Variants in PRPF3 observed in about 807,000 individuals in gnomAD.
PRPF3 encodes U4/U6 small nuclear ribonucleoprotein Prp3.
In PRPF3, 3 loss-of-function variants were observed where a neutral mutation model predicts 89.2. The ratio of observed to expected loss-of-function variants is 0.03; its 90% CI spans 0.02 to 0.09. The LOEUF is 0.09. PRPF3 is among the 10% of genes least tolerant of loss of function. The pLI is 1.00. For synonymous variants in PRPF3, 270 were observed against 289.1 expected (o/e 0.93, Z 0.67); for missense variants, 463 against 828.8 (o/e 0.56, Z 5.42).
At chr1:150,351,595 G>A (rs1658930736) in intron 15 of PRPF3, among the ~76,000 whole-genome samples, 1 of 150,770 alleles carries the variant, frequency 6.6e-6, no homozygotes, top group African/African-American at 2.4e-5. Flanking sequence ...TGAACTCCTA[G>A]GGACAAGCAA....
At chr1:150,336,305 G>A (rs73015073) in intron 7 of PRPF3, among the ~76,000 whole-genome samples, 107 of 152,176 alleles carry the variant, frequency 7.0e-4, no homozygotes, top group Middle Eastern at 3.4e-3. Flanking sequence ...TGCCACCGAT[G>A]ATCTGACAGG....
rs1553865981 is a variant in PRPF3 at position 150,332,767 on chromosome 1, G to C, written c.507G>C (p.Gln169His). Reference sequence around the variant, plus strand: ...GCTTCATTAGCCCCCCTACACCTCAGGTATTGTGTCTAGATTACTCTGAAC... The same window carrying C: ...GCTTCATTAGCCCCCCTACACCTCACGTATTGTGTCTAGATTACTCTGAAC... ...QLSFISPPTPQPKTPSSSQPE... is the reference protein window; with the variant it reads ...QLSFISPPTPHPKTPSSSQPE... Residue 169 changes from glutamine (Q) to histidine (H), a missense_variant and splice_region_variant, in exon 5 of 16, where the codon CAG (glutamine) becomes CAC (histidine). Around this residue, in one of 8 missense-constraint regions of PRPF3, gnomAD observed 38 missense variants for 48.3 expected, o/e 0.79. Transcript: ENST00000324862. 1 of 1,613,696 alleles carries C rather than the reference G, an allele frequency of 6.2e-7. No individual in the cohort carries two copies. The highest frequency in any genetic ancestry group is 8.5e-7 in the Non-Finnish European group (1 of 1,179,836).
At chr1:150,339,788 A>G (rs138400736) in intron 8 of PRPF3, among the ~76,000 whole-genome samples, 1 of 141,664 alleles carries the variant, frequency 7.1e-6, no homozygotes, top group East Asian at 2.1e-4. Context: ...CTGTTGCACA[A>G]TCTCGGCTCG....
At chr1:150,327,274 A>T (rs1553864059) in intron 3 of PRPF3, among the ~76,000 whole-genome samples, 1 of 151,698 alleles carries the variant, frequency 6.6e-6, no homozygotes, top group Non-Finnish European at 1.5e-5. Flanking sequence ...CATCATGTTG[A>T]TCAGGTTGGT....
At chr1:150,341,400 ATTTTTT>A (rs1169772517) in intron 9 of PRPF3, among the ~76,000 whole-genome samples, 8 of 101,906 alleles carry the variant, frequency 7.9e-5, no homozygotes, top group Middle Eastern at 5.0e-3. Flanking sequence ...AGTTGCTTCT[ATTTTTT>A]TTTTTTTTTT....
Position 150,343,295 on chromosome 1 carries a change from T to C in PRPF3, c.1283-14T>C. On this transcript the variant is annotated splice_polypyrimidine_tract_variant and intron_variant, in intron 9 of 15. Coordinates refer to ENST00000324862, the MANE Select transcript of PRPF3 (RefSeq NM_004698.4). ...TTCTTACTGCTTTGGTATACTAATA[T>C]CTCTGCCTGACAGTTGACAATGACA... 6.2e-7 allele frequency: 1 copy of C among 1,601,944 alleles called. No homozygotes were observed. The highest frequency in any genetic ancestry group is 8.5e-7 in the Non-Finnish European group (1 of 1,172,640).
intron 8 of PRPF3, 84 bp downstream of exon 8, chr1:150,338,410 T>A: frequency 7.2e-7 from 1 of 1,391,178 alleles, no homozygotes; most frequent in Non-Finnish European, 1.0e-6. Context: ...TTAGTAAAGC[T>A]ATGGTTTTAG....
Position 150,346,014 on chromosome 1 carries a change from C to T in PRPF3, c.1641-4C>T, listed in dbSNP as rs782163356. The T allele has an allele frequency of 3.1e-6, 5 of 1,611,986 alleles. No individual in the cohort carries two copies. Among genetic ancestry groups the T allele is most frequent in the Admixed American group, 1.7e-5 (1 of 60,004 alleles). ...AAGACATAACTAAACTTTCCCTTCT[C>T]CAGAGTTCGAAATTTGAGCAACCCA... is the stretch of plus-strand genomic sequence containing the variant. On this transcript the variant is annotated splice_region_variant and splice_polypyrimidine_tract_variant and intron_variant, in intron 12 of 15. Coordinates refer to ENST00000324862, the MANE Select transcript of PRPF3 (RefSeq NM_004698.4).
At position 150,346,155 on chromosome 1, in the gene PRPF3, A is replaced by G; in HGVS notation, c.1759+19A>G. The G allele has an allele frequency of 6.3e-7, 1 of 1,595,228 alleles. No individual in the cohort carries two copies. The highest frequency in any genetic ancestry group is 8.6e-7 in the Non-Finnish European group (1 of 1,162,828). On this transcript the variant is annotated intron_variant, in intron 13 of 15. Coordinates refer to ENST00000324862, the MANE Select transcript of PRPF3 (RefSeq NM_004698.4). ...GAAGGGGGTGAGTCTGAAAAACTTG[A>G]GGGAGACTGTCCCCAGACAACCCTA...
chr1:150,353,088 C>A lies in PRPF3; in HGVS notation c.*109C>A. 1.4e-6 allele frequency: 2 copies of A among 1,440,020 alleles called. No individual in the cohort carries two copies. Among genetic ancestry groups the A allele is most frequent in the African/African-American group, 1.4e-5 (1 of 71,284 alleles). The allele number at this position is 1,440,020 out of a possible 1,614,324, so 89.2% of individuals were successfully genotyped here. A position where few individuals can be genotyped will look rare whatever the true frequency, so the allele number is the denominator to read the frequency against. On this transcript the variant is annotated 3_prime_UTR_variant, in exon 16 of 16. Transcript: ENST00000324862. ...TTGTTTGTGTGATCTCAGAACTGTG[C>A]CAAGCAGACACTGGGACAAAGGGAG...
chr1:150,339,145 T>C (rs1287094636), intron 8 of PRPF3, among the ~76,000 whole-genome samples: 1 of 151,372 alleles, frequency 6.6e-6, no homozygotes, highest in African/African-American at 2.4e-5. Flanking sequence ...GGCTGAAGGA[T>C]TGCTTGAGCC....
At chr1:150,351,063 G>A (rs1354872344) in intron 15 of PRPF3, among the ~76,000 whole-genome samples, 8 of 151,978 alleles carry the variant, frequency 5.3e-5, no homozygotes, top group African/African-American at 1.2e-4. Flanking sequence ...TCAGGAATTC[G>A]AGACTAACCT....
At chr1:150,331,949 G>A (rs1427565210) in intron 4 of PRPF3, among the ~76,000 whole-genome samples, 1 of 152,038 alleles carries the variant, frequency 6.6e-6, no homozygotes, top group South Asian at 2.1e-4. Flanking sequence ...TATAGGCTGG[G>A]TGCGGTGGCT....
intron 6 of PRPF3, among the ~76,000 whole-genome samples, chr1:150,334,612 A>G (rs959766087): frequency 4.0e-4 from 60 of 151,724 alleles, no homozygotes; most frequent in Non-Finnish European, 8.8e-5. Context: ...GTGAGCCACC[A>G]CACCCGTCCA....
chr1:150,340,115 C>G (rs2101997531), intron 8 of PRPF3, among the ~76,000 whole-genome samples: 1 of 152,210 alleles, frequency 6.6e-6, no homozygotes, highest in Admixed American at 6.5e-5. Context: ...GACTTATTGT[C>G]ACTAATGAGA....
intron 9 of PRPF3, among the ~76,000 whole-genome samples, chr1:150,341,861 A>C (rs920469570): frequency 2.0e-5 from 3 of 149,014 alleles, no homozygotes; most frequent in African/African-American, 7.5e-5. Flanking sequence ...CTGCCACCAC[A>C]CCTGGCTAGT....
At position 150,329,396 on chromosome 1, in the gene PRPF3, A is replaced by G. The variant is rs1196753319; in HGVS notation, c.423+930A>G. Among the ~76,000 whole-genome samples the G allele has an allele frequency of 2.0e-5, 3 of 152,116 alleles. No individual in the cohort carries two copies. The East Asian group carries it at 5.8e-4, about 29-fold the overall frequency. The stretch of plus-strand genomic sequence containing the variant: ...TCTTTGATTTGACCAGGAGTATTCT[A>G]GGTAAGGGTATTGAAATTGCCATTT... On this transcript the variant is annotated intron_variant, in intron 4 of 15. Coordinates refer to ENST00000324862, the MANE Select transcript of PRPF3 (RefSeq NM_004698.4).
chr1:150,345,423 GCACTGCAA>G (rs1288006622), intron 12 of PRPF3: 1 of 153,918 alleles, frequency 6.5e-6, no homozygotes, highest in African/African-American at 2.4e-5. Context: ...CGATCTCAGC[GCACTGCAA>G]CCTCTGCCTC....
intron 9 of PRPF3, 85 bp from the exon 10 acceptor site, chr1:150,343,224 A>C: frequency 1.2e-6 from 1 of 816,456 alleles, no homozygotes; most frequent in Non-Finnish European, 1.5e-6. Context: ...CCTGGGTGAC[A>C]GAGTGAGAGA....
Sources: allele counts gnomAD v4.1 joint callset (sites outside exome capture counted in the v4.1 genomes callset), GRCh38; gene constraint gnomAD v4.1.1; regional missense constraint gnomAD v4.1.1; transcripts MANE v1.5; gene names NCBI Gene and HGNC (gene_info 2026-07-23, HGNC 2026-07-21).